The following AUTS2 variants were observed in gnomAD, a reference collection of about 807,000 sequenced individuals.
AUTS2 encodes the protein activator of transcription and developmental regulator AUTS2, also known as autism susceptibility gene 2 protein.
In AUTS2, 17 loss-of-function variants were observed where a neutral mutation model predicts 112.4. That is an observed-to-expected ratio of 0.15 (90% CI 0.10 to 0.23). AUTS2 has a LOEUF of 0.23. Among genes scored for constraint, AUTS2 ranks in the 10% least tolerant of loss-of-function variants. The pLI is 1.00. For synonymous variants in AUTS2, 751 were observed against 702.7 expected, an observed-to-expected ratio of 1.07 and a Z score of -1.09; for missense variants, 1,510 against 1,701.6, an observed-to-expected ratio of 0.89 and a Z score of 1.98.
chr7:70,377,400 G>T (rs1793160209), intron 4 of AUTS2, among the ~76,000 whole-genome samples: 1 of 118,676 alleles, frequency 8.4e-6, no homozygotes, highest in Non-Finnish European at 1.7e-5. Context: ...CAATAAAAAT[G>T]TTGTATAAAA....
intron 4 of AUTS2, among the ~76,000 whole-genome samples, chr7:70,425,556 G>T (rs1795397935): frequency 6.6e-6 from 1 of 152,198 alleles, no homozygotes; most frequent in African/African-American, 2.4e-5. Flanking sequence ...AGGAGGGAGG[G>T]AGGAGGAATC....
chr7:70,427,566 C>T (rs984992429), intron 4 of AUTS2, among the ~76,000 whole-genome samples: 2 of 152,032 alleles, frequency 1.3e-5, no homozygotes, highest in African/African-American at 4.8e-5. Flanking sequence ...ATGAAATACA[C>T]TTGGATTTCA....
intron 4 of AUTS2, among the ~76,000 whole-genome samples, chr7:70,319,724 C>T (rs1171483773): frequency 6.6e-6 from 1 of 152,112 alleles, no homozygotes; most frequent in African/African-American, 2.4e-5. Context: ...AGCAAATGTC[C>T]TTTGAATGAA....
rs190494655 is a variant in AUTS2, at chr7:70,513,811, C to A, written c.690+78030C>A. 5.1e-3 allele frequency among the ~76,000 whole-genome samples: 771 copies of A among 152,088 alleles called. 2 individuals are homozygous for A. The highest frequency in any genetic ancestry group is 9.2e-3 in the Non-Finnish European group (627 of 68,008). ...GGTAGCTGGAATTACAGGTGTGCGCCACCATGCCCAGCTAATTTTTGTATT... is the reference window on the plus strand; with the variant it reads ...GGTAGCTGGAATTACAGGTGTGCGCAACCATGCCCAGCTAATTTTTGTATT... On this transcript the variant is annotated intron_variant, in intron 5 of 18. Transcript: ENST00000342771.
At chr7:70,101,252 TATA>T (rs1804476287) in intron 2 of AUTS2, among the ~76,000 whole-genome samples, 1 of 152,186 alleles carries the variant, frequency 6.6e-6, no homozygotes, top group Non-Finnish European at 1.5e-5. Context: ...ATATATGTTG[TATA>T]ATGATTGCTT....
intron 4 of AUTS2, among the ~76,000 whole-genome samples, chr7:70,185,032 T>G (rs535714084): frequency 6.6e-6 from 1 of 152,164 alleles, no homozygotes; most frequent in Non-Finnish European, 1.5e-5. Flanking sequence ...TTTATGCATA[T>G]CTGCATTTGA....
rs561658753 is a variant in AUTS2, at chr7:69,770,138, G to A, written c.310-129148G>A. On this transcript the variant is annotated intron_variant, in intron 1 of 18. Coordinates refer to ENST00000342771, the MANE Select transcript of AUTS2 (RefSeq NM_015570.4). ...ACAGCATGCTATTAATATAAGCAGT[G>A]TATACTGGTCATCTTTTATTGAGAG... 1.4e-4 allele frequency among the ~76,000 whole-genome samples: 21 copies of A among 152,312 alleles called. No individual in the cohort carries two copies. In the South Asian group the frequency reaches 4.1e-3, roughly 30 times the overall value.
chr7:69,935,369 G>A (rs565851268), intron 2 of AUTS2, among the ~76,000 whole-genome samples: 1 of 152,248 alleles, frequency 6.6e-6, no homozygotes, highest in African/African-American at 2.4e-5. Context: ...CTGGCAATAG[G>A]GAATCATCAT....
At chr7:70,099,082 C>T (rs1243584058) in intron 2 of AUTS2, among the ~76,000 whole-genome samples, 1 of 152,104 alleles carries the variant, frequency 6.6e-6, no homozygotes, top group East Asian at 1.9e-4. Context: ...TCCTGCCCGT[C>T]ATGATTCCTT....
chr7:69,672,752 A>T (rs1796393844), intron 1 of AUTS2, among the ~76,000 whole-genome samples: 1 of 152,220 alleles, frequency 6.6e-6, no homozygotes, highest in Admixed American at 6.5e-5. Context: ...AGGGATGGAG[A>T]TGCCAGTGCT....
intron 4 of AUTS2, among the ~76,000 whole-genome samples, chr7:70,330,467 C>A (rs1012450708): frequency 6.6e-6 from 1 of 152,196 alleles, no homozygotes; most frequent in Non-Finnish European, 1.5e-5. Flanking sequence ...ACTCTCAATT[C>A]TATTTCATTG....
intron 1 of AUTS2, among the ~76,000 whole-genome samples, chr7:69,875,390 A>G (rs1475204160): frequency 2.6e-5 from 4 of 152,158 alleles, no homozygotes; most frequent in Non-Finnish European, 2.9e-5. Flanking sequence ...AAGAGAAATT[A>G]TTTGTTTCTT....
chr7:70,409,118 C>T lies in AUTS2; in HGVS notation c.661-26634C>T, dbSNP rs940906028. Among the ~76,000 whole-genome samples the T allele has an allele frequency of 7.9e-5, 12 of 152,312 alleles. 1 individual carries two copies. The highest frequency in any genetic ancestry group is 7.2e-4 in the Admixed American group (11 of 15,298). On this transcript the variant is annotated intron_variant, in intron 4 of 18. Coordinates refer to ENST00000342771, the MANE Select transcript of AUTS2 (RefSeq NM_015570.4). ...GGCTAATGGTCTCACCACCTTATGGCACTACTTTGGATTGTGACAACGGTA... is the reference window on the plus strand; with the variant it reads ...GGCTAATGGTCTCACCACCTTATGGTACTACTTTGGATTGTGACAACGGTA...
At chr7:70,005,262 G>A (rs11764911) in intron 2 of AUTS2, among the ~76,000 whole-genome samples, 11,386 of 151,930 alleles carry the variant, frequency 0.075, 521 homozygotes, top group African/African-American at 0.11. Flanking sequence ...TTGGATTTCC[G>A]TAGGGCCTTG....
At chr7:70,276,545 A>T (rs1414551832) in intron 4 of AUTS2, among the ~76,000 whole-genome samples, 2 of 151,498 alleles carry the variant, frequency 1.3e-5, no homozygotes, top group African/African-American at 4.9e-5. Context: ...CACCCAACTA[A>T]TTTTTGTATT....
intron 2 of AUTS2, among the ~76,000 whole-genome samples, chr7:70,032,802 TA>T (rs770265030): frequency 2.6e-5 from 4 of 151,952 alleles, no homozygotes; most frequent in Non-Finnish European, 5.9e-5. Context: ...GTAATTATGC[TA>T]TGTTGGTTTA....
At chr7:69,606,423 ATGTGTGCACGCACC>A (rs796840989) in intron 1 of AUTS2, among the ~76,000 whole-genome samples, 1 of 152,144 alleles carries the variant, frequency 6.6e-6, no homozygotes, top group Non-Finnish European at 1.5e-5. Context: ...GTGTTTGTGT[ATGTGTGCACGCACC>A]TGTGTGCACG....
intron 5 of AUTS2, among the ~76,000 whole-genome samples, chr7:70,562,104 A>G (rs1801512617): frequency 2.6e-5 from 4 of 152,162 alleles, no homozygotes; most frequent in Admixed American, 2.6e-4. Context: ...AACTCCCTGA[A>G]GCCCTCACCA....
chr7:69,881,327 T>C (rs553302889), intron 1 of AUTS2, among the ~76,000 whole-genome samples: 2 of 152,196 alleles, frequency 1.3e-5, no homozygotes, highest in South Asian at 4.2e-4. Context: ...GGGAAGATTT[T>C]TGATGTTACA....
Sources: gnomAD v4.1 joint callset for allele counts (sites outside exome capture counted in the v4.1 genomes callset) on GRCh38, gnomAD v4.1.1 for gene constraint, MANE v1.5 for transcripts, NCBI Gene and HGNC (gene_info 2026-07-23, HGNC 2026-07-21) for gene names.